Variants in SRBD1 observed in about 807,000 individuals in gnomAD.
SRBD1 encodes the protein S1 RNA binding domain 1, also known as S1 RNA-binding domain-containing protein 1.
Under a neutral mutation model 115.3 loss-of-function variants are expected in SRBD1, and 88 were observed. The ratio of observed to expected loss-of-function variants is 0.76; its 90% CI spans 0.64 to 0.91. The LOEUF is 0.91. Ranked by LOEUF, SRBD1 falls within the 40% of genes least tolerant of loss-of-function variation. SRBD1 has a pLI of 0.00. For synonymous variants in SRBD1, 509 were observed against 407.7 expected, an observed-to-expected ratio of 1.25 and a Z score of -2.99; for missense variants, 1,385 against 1,177.4, an observed-to-expected ratio of 1.18 and a Z score of -2.58.
intron 18 of SRBD1, among the ~76,000 whole-genome samples, chr2:45,417,272 G>T (rs1572616925): frequency 6.6e-6 from 1 of 152,168 alleles, no homozygotes; most frequent in African/African-American, 2.4e-5. Flanking sequence ...CTGGGTATAG[G>T]AGTGAGAAGT....
intron 16 of SRBD1, among the ~76,000 whole-genome samples, chr2:45,437,317 C>T (rs1424773473): frequency 7.0e-6 from 1 of 141,906 alleles, no homozygotes; most frequent in Non-Finnish European, 1.5e-5. Context: ...TTAAGACATA[C>T]TACACTAAGC....
At chr2:45,446,171 G>A (rs1668818940) in intron 16 of SRBD1, among the ~76,000 whole-genome samples, 1 of 152,172 alleles carries the variant, frequency 6.6e-6, no homozygotes, top group South Asian at 2.1e-4. Flanking sequence ...GAATTGACAT[G>A]CCAAAGACTG....
At chr2:45,442,753 T>A (rs1195338700) in intron 16 of SRBD1, among the ~76,000 whole-genome samples, 1 of 152,202 alleles carries the variant, frequency 6.6e-6, no homozygotes, top group African/African-American at 2.4e-5. Flanking sequence ...AGTTTGGGTT[T>A]TAAAGTGAAT....
At position 45,499,610 on chromosome 2, in the gene SRBD1, A is replaced by G. The variant is rs1002504783; in HGVS notation, c.1875-11279T>C. On this transcript the variant is annotated intron_variant, in intron 14 of 20. Transcript: ENST00000263736. ...AGCATTTCCCCCAATGTTTTCTTTT[A>G]GCAGTTTTATAGTTTCAGGTCTTAC... Among the ~76,000 whole-genome samples, 187 of 152,180 alleles carry G rather than the reference A, an allele frequency of 1.2e-3. 1 individual carries two copies. Among genetic ancestry groups the G allele is most frequent in the East Asian group, 3.9e-4 (2 of 5,186 alleles).
At chr2:45,603,314 G>C (rs1172217428) in intron 2 of SRBD1, among the ~76,000 whole-genome samples, 1 of 152,136 alleles carries the variant, frequency 6.6e-6, no homozygotes, top group Non-Finnish European at 1.5e-5. Context: ...GAGCTCTCAG[G>C]AGCATCTGGC....
At chr2:45,594,954 TTC>T (rs1444113156) in intron 4 of SRBD1, among the ~76,000 whole-genome samples, 1 of 152,238 alleles carries the variant, frequency 6.6e-6, no homozygotes, top group Non-Finnish European at 1.5e-5. Flanking sequence ...TTTTCTATTT[TTC>T]TGTCTCCCTC....
intron 14 of SRBD1, chr2:45,546,303 T>C (rs1480606704): frequency 1.7e-5 from 17 of 985,346 alleles, no homozygotes; most frequent in Non-Finnish European, 2.0e-5. Flanking sequence ...TACTTTTTAA[T>C]TCATAATACT....
In SRBD1 at chr2:45,418,462, C is replaced by T. The variant is rs1326069270; in HGVS notation, c.2236G>A (p.Glu746Lys). 1 of 1,613,624 alleles carries T rather than the reference C, an allele frequency of 6.2e-7. No homozygotes were observed. The stretch of plus-strand genomic sequence containing the variant: ...AGCCCTTTCACTTTCTTCAGCTGTT[C>T]TCGGTTGATAAAGGGTCCATTTTTC... ...REKNGPFINR[E>K]QLKKVKGLGP... The change falls in exon 18 of 21, where the codon GAA becomes AAA. Residue 746 changes from glutamate to lysine, a missense_variant. Coordinates refer to ENST00000263736, the MANE Select transcript of SRBD1 (RefSeq NM_018079.5).
chr2:45,606,888 A>G (rs1300843252), intron 1 of SRBD1, among the ~76,000 whole-genome samples: 1 of 152,250 alleles, frequency 6.6e-6, no homozygotes, highest in Non-Finnish European at 1.5e-5. Context: ...GTCATATGTT[A>G]TAATGCCTCT....
At chr2:45,456,354 C>G (rs907944137) in intron 16 of SRBD1, among the ~76,000 whole-genome samples, 1 of 151,908 alleles carries the variant, frequency 6.6e-6, no homozygotes, top group African/African-American at 2.4e-5. Flanking sequence ...GGATGGCCTG[C>G]TATCCCAGGT....
chr2:45,484,639 C>T (rs895880925), intron 15 of SRBD1, among the ~76,000 whole-genome samples: 1 of 152,164 alleles, frequency 6.6e-6, no homozygotes, highest in African/African-American at 2.4e-5. Flanking sequence ...GAAGTCAGTG[C>T]TACTTAGCAT....
intron 14 of SRBD1, among the ~76,000 whole-genome samples, chr2:45,535,933 A>G (rs992478163): frequency 6.6e-6 from 1 of 152,076 alleles, no homozygotes; most frequent in Non-Finnish European, 1.5e-5. Flanking sequence ...GTCTTCCAGA[A>G]CTATTTTTAA....
At chr2:45,413,369 T>C in intron 18 of SRBD1, 76 bp from the exon 19 acceptor site, 2 of 1,505,198 alleles carry the variant, frequency 1.3e-6, no homozygotes, top group Non-Finnish European at 1.8e-6. Flanking sequence ...TAAAATGTGC[T>C]TACTTCTCTG....
At chr2:45,442,789 G>T (rs1305638833) in intron 16 of SRBD1, among the ~76,000 whole-genome samples, 1 of 152,170 alleles carries the variant, frequency 6.6e-6, no homozygotes, top group East Asian at 1.9e-4. Flanking sequence ...ATTTTAGTTT[G>T]AGAGTTTTCT....
intron 2 of SRBD1, among the ~76,000 whole-genome samples, chr2:45,602,989 A>C (rs986601946): frequency 1.3e-5 from 2 of 152,192 alleles, no homozygotes; most frequent in Admixed American, 6.5e-5. Context: ...AAAAACAAAC[A>C]ATCAAACAAA....
chr2:45,431,041 CTCA>C (rs1343557180), intron 16 of SRBD1, among the ~76,000 whole-genome samples: 1 of 152,178 alleles, frequency 6.6e-6, no homozygotes, highest in Non-Finnish European at 1.5e-5. Context: ...TGAAAAAAAG[CTCA>C]TCATCACTGG....
intron 5 of SRBD1, among the ~76,000 whole-genome samples, chr2:45,582,632 T>G (rs949360404): frequency 2.0e-5 from 3 of 152,196 alleles, no homozygotes; most frequent in Non-Finnish European, 4.4e-5. Context: ...ATCATTTATC[T>G]TAATGTTCAA....
At chr2:45,459,351 C>T (rs927929071) in intron 16 of SRBD1, among the ~76,000 whole-genome samples, 4 of 152,144 alleles carry the variant, frequency 2.6e-5, no homozygotes, top group African/African-American at 9.7e-5. Context: ...TTCCTCATTC[C>T]TGGATTATGA....
chr2:45,550,493 CAAA>C (rs3064241), intron 12 of SRBD1, among the ~76,000 whole-genome samples: 1 of 135,672 alleles, frequency 7.4e-6, no homozygotes. Flanking sequence ...TTACAGTAGC[CAAA>C]AAAAAAAAAA....
Sources: gnomAD v4.1 joint callset for allele counts (sites outside exome capture counted in the v4.1 genomes callset) on GRCh38, gnomAD v4.1.1 for gene constraint, MANE v1.5 for transcripts, NCBI Gene and HGNC (gene_info 2026-07-23, HGNC 2026-07-21) for gene names.